The following RPS7 variants were observed in gnomAD, a reference collection of about 807,000 sequenced individuals.
RPS7 encodes the protein ribosomal protein S7, also known as small ribosomal subunit protein eS7.
RPS7 carries 1 observed loss-of-function variant against 22.1 expected under a neutral mutation model. That is an observed-to-expected ratio of 0.05 (90% CI 0.02 to 0.21). The LOEUF is 0.21. RPS7 is among the 10% of genes least tolerant of loss of function. The pLI is 1.00. For synonymous variants in RPS7, 80 were observed against 92.0 expected (o/e 0.87, Z 0.74); for missense variants, 137 against 246.4 (o/e 0.56, Z 2.97).
intron 6 of RPS7, 39 bp downstream of exon 6, chr2:3,580,299 C>T: frequency 6.3e-7 from 1 of 1,595,926 alleles, no homozygotes; most frequent in Non-Finnish European, 8.6e-7. Context: ...GGTTCAGCCA[C>T]AGTGAGAGTG....
chr2:3,575,439 T>C (rs1385853571), intron 1 of RPS7, 89 bp downstream of exon 1: 12 of 629,576 alleles, frequency 1.9e-5, no homozygotes, highest in East Asian at 1.1e-4. Context: ...GGGCGAGCCT[T>C]GCTCACAGGG....
At position 3,575,894 on chromosome 2, in the gene RPS7, C is replaced by T. The variant is rs760987417; in HGVS notation, c.147+6C>T. The T allele has an allele frequency of 1.1e-5, 17 of 1,600,166 alleles. No homozygotes were observed. Among genetic ancestry groups the T allele is most frequent in the Non-Finnish European group, 1.5e-5 (17 of 1,171,644 alleles). On this transcript the variant is annotated splice_donor_region_variant and intron_variant, in intron 3 of 6. Transcript: ENST00000645674. ...TGAATATTACGGCAGCTAAGGTAAG[C>T]TGGCGCTCCCTCGGCTGGGAGGGAG...
intron 6 of RPS7, 122 bp downstream of exon 6, chr2:3,580,382 C>A: frequency 1.2e-6 from 1 of 859,022 alleles, no homozygotes; most frequent in Non-Finnish European, 2.0e-6. Flanking sequence ...GTTCTTTTAC[C>A]CGCACTTCAG....
chr2:3,578,274 G>A (rs1572359497), intron 5 of RPS7: 1 of 155,836 alleles, frequency 6.4e-6, no homozygotes, highest in East Asian at 1.9e-4. Flanking sequence ...TCAAATATTG[G>A]TAGTTGTCTT....
intron 4 of RPS7, 171 bp downstream of exon 4, chr2:3,576,801 C>G: frequency 1.2e-6 from 1 of 835,180 alleles, no homozygotes; most frequent in Non-Finnish European, 2.1e-6. Context: ...AATCCCAGCA[C>G]GGGGAGGTGG....
At position 3,575,926 on chromosome 2, in the gene RPS7, G is replaced by A. The variant is rs199946211; in HGVS notation, c.147+38G>A. ...TCCCTCGGCTGGGAGGGAGGTTGCGGCGCGTCTCCCCGCGCAGTGCCTGAG... is the reference window on the plus strand; with the variant it reads ...TCCCTCGGCTGGGAGGGAGGTTGCGACGCGTCTCCCCGCGCAGTGCCTGAG... On this transcript the variant is annotated intron_variant, in intron 3 of 6. Coordinates refer to ENST00000645674, the MANE Select transcript of RPS7 (RefSeq NM_001011.4). 2.4e-5 allele frequency: 35 copies of A among 1,474,904 alleles called. No homozygotes were observed. In the African/African-American group the frequency reaches 3.6e-4, roughly 15 times the overall value. 91.4% of individuals were successfully genotyped at this position (1,474,904 alleles called of 1,614,324 possible). A position where few individuals can be genotyped will look rare whatever the true frequency, so the allele number is the denominator to read the frequency against.
At chr2:3,577,825 T>A in intron 5 of RPS7, 51 bp downstream of exon 5, 1 of 1,193,408 alleles carries the variant, frequency 8.4e-7, no homozygotes. Flanking sequence ...TATTAACAAC[T>A]CTTAATTTGT....
chr2:3,575,812 C>T lies in RPS7; in HGVS notation c.76-5C>T, dbSNP rs1383050497. On this transcript the variant is annotated splice_polypyrimidine_tract_variant and splice_region_variant and intron_variant, in intron 2 of 6. Transcript: ENST00000645674. ...GGGTCGGTCCTGCTGTTCGTTGCTT[C>T]TTAGGCTCTTCTGGAGCTGGAGATG... 2.5e-6 allele frequency: 4 copies of T among 1,612,006 alleles called. No individual in the cohort carries two copies. The highest frequency in any genetic ancestry group is 2.2e-5 in the East Asian group (1 of 44,872).
chr2:3,576,555 C>T lies in RPS7; in HGVS notation c.216C>T (p.Phe72=), dbSNP rs781328965. The change falls in exon 4 of 7, where the codon TTC becomes TTT. Residue 72 remains phenylalanine (F), a synonymous_variant. Coordinates refer to ENST00000645674, the MANE Select transcript of RPS7 (RefSeq NM_001011.4). The part of the protein sequence containing the change: ...IFVPVPQLKS[F]QKIQVRLVRE... ...TTCCCGTTCCTCAACTGAAATCTTT[C>T]CAGAAAATCCAAGTCCGGCTAGTAC... 4.3e-6 allele frequency: 7 copies of T among 1,613,726 alleles called. No individual in the cohort carries two copies. The highest frequency in any genetic ancestry group is 5.1e-6 in the Non-Finnish European group (6 of 1,179,664).
chr2:3,576,825 A>C, intron 4 of RPS7, 195 bp downstream of exon 4: 2 of 723,558 alleles, frequency 2.8e-6, no homozygotes, highest in East Asian at 2.6e-5. Flanking sequence ...CGGGTGGATC[A>C]CTGTAGAGAC....
intron 6 of RPS7, chr2:3,580,558 G>T: frequency 3.2e-6 from 2 of 622,856 alleles, no homozygotes. Flanking sequence ...TCAGTGTCTT[G>T]GGGGGACATA....
chr2:3,578,524 T>C (rs985980386), intron 5 of RPS7: 1 of 151,742 alleles, frequency 6.6e-6, no homozygotes, highest in African/African-American at 2.4e-5. Flanking sequence ...CTAAGAATGT[T>C]TTTTTTTTAA....
In RPS7 at chr2:3,575,651, G is replaced by C; in HGVS notation, c.42G>C (p.Glu14Asp). ...SSAKIVKPNG[E>D]KPDEFESGIS... is the part of the protein sequence containing the mutation. Reference sequence around the variant, plus strand: ...CCAAGATCGTGAAGCCCAATGGCGAGAAGCCGGACGAGTTCGAGTCCGGCA... The same window carrying C: ...CCAAGATCGTGAAGCCCAATGGCGACAAGCCGGACGAGTTCGAGTCCGGCA... The change falls in exon 2 of 7, where the codon GAG becomes GAC. Residue 14 changes from glutamate (E) to aspartate (D), a missense_variant. By Grantham distance (45) the Glu-to-Asp change is conservative. Coordinates refer to ENST00000645674, the MANE Select transcript of RPS7 (RefSeq NM_001011.4). 2 of 1,611,692 alleles carry C rather than the reference G, an allele frequency of 1.2e-6. No homozygotes were observed. The highest frequency in any genetic ancestry group is 1.7e-6 in the Non-Finnish European group (2 of 1,179,638).
Position 3,577,834 on chromosome 2 carries a change from G to A in RPS7, c.356+60G>A, listed in dbSNP as rs565011438. 3 of 1,143,474 alleles carry A rather than the reference G, an allele frequency of 2.6e-6. No individual in the cohort carries two copies. The Admixed American group carries it at 5.4e-5, about 21-fold the overall frequency. 70.8% of individuals were successfully genotyped at this position (1,143,474 alleles called of 1,614,324 possible). A position where few individuals can be genotyped will look rare whatever the true frequency, so the allele number is the denominator to read the frequency against. Reference sequence around the variant, plus strand: ...CCCTCTTATTAACAACTCTTAATTTGTTTAAGTTGTAGTTTATGAAAACAG... The same window carrying A: ...CCCTCTTATTAACAACTCTTAATTTATTTAAGTTGTAGTTTATGAAAACAG... On this transcript the variant is annotated intron_variant, in intron 5 of 6. Transcript: ENST00000645674.
chr2:3,576,459 C>T (rs747175399), intron 3 of RPS7, 28 bp from the exon 4 acceptor site: 1 of 1,607,672 alleles, frequency 6.2e-7, no homozygotes, highest in Admixed American at 1.7e-5. Context: ...AAGCAGTTAA[C>T]ACAGTGGATT....
intron 6 of RPS7, chr2:3,580,495 TC>T (rs1311449373): frequency 7.7e-6 from 5 of 645,182 alleles, no homozygotes; most frequent in Admixed American, 7.1e-5. Flanking sequence ...CTTTCTGTGG[TC>T]TTTTAGTTAG....
In RPS7 at chr2:3,575,800, T is replaced by C; in HGVS notation, c.76-17T>C. The C allele has an allele frequency of 1.2e-6, 2 of 1,611,258 alleles. No homozygotes were observed. The highest frequency in any genetic ancestry group is 2.2e-5 in the East Asian group (1 of 44,852). ...GACGCGCGCTCAGGGTCGGTCCTGC[T>C]GTTCGTTGCTTCTTAGGCTCTTCTG... On this transcript the variant is annotated splice_polypyrimidine_tract_variant and intron_variant, in intron 2 of 6. Transcript: ENST00000645674.
At chr2:3,577,486 G>A (rs1661306946) in intron 4 of RPS7, 2 of 570,672 alleles carry the variant, frequency 3.5e-6, no homozygotes, top group Admixed American at 3.2e-5. Context: ...TTGTCCACTG[G>A]CGTATTAGTA....
intron 5 of RPS7, chr2:3,578,659 G>C (rs920842977): frequency 3.3e-5 from 5 of 152,160 alleles, no homozygotes; most frequent in Non-Finnish European, 7.3e-5. Context: ...CTATGGCTTA[G>C]TACTTTGAAA....
Sources: allele counts gnomAD v4.1 joint callset, GRCh38; gene constraint gnomAD v4.1.1; transcripts MANE v1.5; gene names NCBI Gene and HGNC (gene_info 2026-07-23, HGNC 2026-07-21).